The following LINC00632 variants were observed in gnomAD, a reference collection of about 807,000 sequenced individuals.
The protein encoded by LINC00632 is ALDOA related specific transcript.
chrX:140,724,526 CCA>C (rs1491081830), intron 2 of LINC00632, among the ~76,000 whole-genome samples: 1 of 8,032 alleles, frequency 1.2e-4, no homozygotes, highest in Non-Finnish European at 2.6e-4. Flanking sequence ...CACACACATT[CCA>C]CACACACATT....
exon 4 of LINC00632, among the ~76,000 whole-genome samples, chrX:140,773,227 A>AGAAGC (rs1931832254): frequency 9.0e-6 from 1 of 111,364 alleles, no homozygotes; most frequent in African/African-American, 3.3e-5. Flanking sequence ...AGAAGAGAAG[A>AGAAGC]GAAGCTGTGG....
intron 2 of LINC00632, among the ~76,000 whole-genome samples, chrX:140,726,600 G>A (rs113760786): frequency 0.065 from 7,233 of 111,211 alleles, 270 homozygotes; most frequent in African/African-American, 0.14. Flanking sequence ...CTTTCACAAC[G>A]TAGACATTGC....
At chrX:140,772,467 G>A (rs966827202) in exon 4 of LINC00632, 5 of 291,723 alleles carry the variant, frequency 1.7e-5, no homozygotes, top group African/African-American at 1.1e-4. Flanking sequence ...GTAAATATGC[G>A]TGAGTTAGGG....
rs572249347 is a variant in LINC00632, at chrX:140,743,217, G to A, written n.191+9253G>A. On this transcript the variant is annotated intron_variant and non_coding_transcript_variant, in intron 3 of 4. Transcript: ENST00000648200. ...TCCAGCCTGGGCGACAGAGCAAAAC[G>A]CTGTCTCAAAAAAAAAAAAAAAAAA... 2.8e-4 allele frequency among the ~76,000 whole-genome samples: 16 copies of A among 57,679 alleles called. No homozygotes were observed. The South Asian group carries it at 0.01, about 37-fold the overall frequency. 50.1% of individuals were successfully genotyped at this position (57,679 alleles called of 115,157 possible). A position where few individuals can be genotyped will look rare whatever the true frequency, so the allele number is the denominator to read the frequency against.
chrX:140,764,334 C>T, intron 3 of LINC00632, among the ~76,000 whole-genome samples: 1 of 73,142 alleles, frequency 1.4e-5, no homozygotes, highest in East Asian at 4.0e-4. Context: ...TGGTTAATTC[C>T]GCTGCAGAGA....
exon 5 of LINC00632, chrX:140,784,349 G>A (rs975564173): frequency 3.3e-6 from 4 of 1,208,947 alleles, no homozygotes; most frequent in South Asian, 1.8e-5. Context: ...GAAAATCCAC[G>A]TCTTCCAACC....
chrX:140,714,758 G>T (rs1470961170), intron 2 of LINC00632: 1 of 107,553 alleles, frequency 9.3e-6, no homozygotes, highest in Non-Finnish European at 1.9e-5. Flanking sequence ...AGAGGCGGAG[G>T]TTGCAGTGAG....
chrX:140,720,306 A>C (rs1260870919), intron 2 of LINC00632, among the ~76,000 whole-genome samples: 1 of 110,776 alleles, frequency 9.0e-6, no homozygotes, highest in Non-Finnish European at 1.9e-5. Context: ...ACATAGACTC[A>C]ACAAGGCCTG....
intron 1 of LINC00632, among the ~76,000 whole-genome samples, chrX:140,710,434 T>C (rs1388235810): frequency 1.8e-5 from 2 of 111,333 alleles, no homozygotes; most frequent in African/African-American, 6.5e-5. Context: ...AAAGTAATAA[T>C]GAATATTATG....
exon 5 of LINC00632, among the ~76,000 whole-genome samples, chrX:140,790,690 A>T (rs1932095689): frequency 9.0e-6 from 1 of 111,126 alleles, no homozygotes; most frequent in Non-Finnish European, 1.9e-5. Flanking sequence ...GATCTGTCTC[A>T]ATTTATTTAA....
intron 3 of LINC00632, among the ~76,000 whole-genome samples, chrX:140,768,514 T>G (rs1931728424): frequency 9.7e-6 from 1 of 103,169 alleles, no homozygotes; most frequent in Non-Finnish European, 1.9e-5. Flanking sequence ...TCTGAATTAA[T>G]CAATGATGTA....
At chrX:140,722,622 C>T (rs765968955) in intron 2 of LINC00632, among the ~76,000 whole-genome samples, 2 of 111,199 alleles carry the variant, frequency 1.8e-5, no homozygotes, top group African/African-American at 6.5e-5. Flanking sequence ...CCCCATGAAA[C>T]CCATGATAGT....
rs1286418753 is a variant in LINC00632 at position 140,762,242 on chromosome X, A to AGAGAGAGAGAGAGC, written n.192-9835_192-9834insAGAGAGAGAGAGCG. Among the ~76,000 whole-genome samples, 886 of 99,766 alleles carry AGAGAGAGAGAGAGC rather than the reference A, an allele frequency of 8.9e-3. 11 individuals carry two copies. The highest frequency in any genetic ancestry group is 0.022 in the African/African-American group (581 of 26,538). The allele number at this position is 99,766 out of a possible 115,157, so 86.6% of individuals were successfully genotyped here. ...GAGAGAGAGAGAGAGAGAGAGAGAG[A>AGAGAGAGAGAGAGC]GCACTCTTATCTTTCCCCACTAGAT... On this transcript the variant is annotated intron_variant and non_coding_transcript_variant, in intron 3 of 4. Transcript: ENST00000648200.
intron 2 of LINC00632, among the ~76,000 whole-genome samples, chrX:140,724,800 CAG>C (rs370044832): frequency 0.068 from 4,066 of 60,115 alleles, 243 homozygotes; most frequent in African/African-American, 0.21. Context: ...TCCATACACA[CAG>C]AGACACATTC....
intron 3 of LINC00632, among the ~76,000 whole-genome samples, chrX:140,750,615 T>C (rs1931397468): frequency 1.8e-5 from 2 of 111,302 alleles, no homozygotes; most frequent in African/African-American, 6.5e-5. Flanking sequence ...CCATGTCTAT[T>C]GATAGAGGAC....
At chrX:140,727,794 C>A (rs1171998142) in intron 2 of LINC00632, among the ~76,000 whole-genome samples, 1 of 111,767 alleles carries the variant, frequency 8.9e-6, no homozygotes, top group Non-Finnish European at 1.9e-5. Context: ...CCAGGACATG[C>A]CCTATAACCC....
chrX:140,771,368 A>G (rs1931787506), intron 3 of LINC00632, among the ~76,000 whole-genome samples: 1 of 107,985 alleles, frequency 9.3e-6, no homozygotes, highest in South Asian at 3.9e-4. Context: ...TGTTAACAGT[A>G]CCTATAAATC....
chrX:140,710,858 G>A (rs761185419), intron 1 of LINC00632, among the ~76,000 whole-genome samples: 25 of 111,405 alleles, frequency 2.2e-4, no homozygotes, highest in African/African-American at 7.8e-4. Context: ...CTGGTAGCAT[G>A]TTTTGCAGAG....
intron 2 of LINC00632, among the ~76,000 whole-genome samples, chrX:140,730,657 G>T (rs1236175637): frequency 9.0e-6 from 1 of 111,270 alleles, no homozygotes; most frequent in Non-Finnish European, 1.9e-5. Flanking sequence ...GCATAGACTT[G>T]CCCCATATTT....
Sources: gnomAD v4.1 joint callset for allele counts (sites outside exome capture counted in the v4.1 genomes callset) on GRCh38, gnomAD v4.1.1 for gene constraint, MANE v1.5 for transcripts, NCBI Gene and HGNC (gene_info 2026-07-23, HGNC 2026-07-21) for gene names.